The following ENOX1 variants were observed in gnomAD, a reference collection of about 807,000 sequenced individuals.
ENOX1 encodes candidate growth-related and time keeping constitutive hydroquinone (NADH) oxidase.
Under a neutral mutation model 82.5 loss-of-function variants are expected in ENOX1, and 42 were observed. That is an observed-to-expected ratio of 0.51 (90% CI 0.40 to 0.66). ENOX1 has a LOEUF of 0.66. Among genes scored for constraint, ENOX1 ranks in the 30% least tolerant of loss-of-function variants. ENOX1 has a pLI of 0.00. For synonymous variants in ENOX1, 271 were observed against 282.2 expected, an observed-to-expected ratio of 0.96 and a Z score of 0.40; for missense variants, 608 against 811.6, an observed-to-expected ratio of 0.75 and a Z score of 3.05.
rs2049266969 is a variant in ENOX1, at chr13:43,344,624, A to C, written c.950T>G (p.Leu317Arg). Reference protein sequence around the residue: ...VQSANSHVRRLMNEKATHEQE... With the variant: ...VQSANSHVRRRMNEKATHEQE... ...CTCATGGGTGGCTTTTTCATTCATTAGCCGGCGGACGTGGCTGTTGGCCGA... is the reference window on the plus strand; with the variant it reads ...CTCATGGGTGGCTTTTTCATTCATTCGCCGGCGGACGTGGCTGTTGGCCGA... Residue 317 changes from leucine to arginine, a missense_variant, in exon 9 of 17, where the codon CTA becomes CGA. Physicochemically the swap from Leu to Arg is moderately radical, Grantham distance 102. Coordinates refer to ENST00000690772, the MANE Select transcript of ENOX1 (RefSeq NM_001347969.2). The C allele has an allele frequency of 6.2e-7, 1 of 1,614,154 alleles. No individual in the cohort carries two copies. The highest frequency in any genetic ancestry group is 2.2e-5 in the East Asian group (1 of 44,868).
At chr13:43,734,377 A>G (rs140669025) in intron 1 of ENOX1, among the ~76,000 whole-genome samples, 1 of 152,344 alleles carries the variant, frequency 6.6e-6, no homozygotes, top group African/African-American at 2.4e-5. Flanking sequence ...TAGATGCTAT[A>G]GAACCTTCTG....
intron 1 of ENOX1, among the ~76,000 whole-genome samples, chr13:43,698,348 G>C (rs1441918381): frequency 6.6e-6 from 1 of 152,034 alleles, no homozygotes; most frequent in East Asian, 1.9e-4. Flanking sequence ...GGAAGCTACA[G>C]TAAAAACAAA....
At chr13:43,467,384 C>T (rs2057777051) in intron 3 of ENOX1, among the ~76,000 whole-genome samples, 1 of 151,980 alleles carries the variant, frequency 6.6e-6, no homozygotes. Flanking sequence ...AAATAGTAAC[C>T]CAAGTGGGTA....
intron 3 of ENOX1, among the ~76,000 whole-genome samples, chr13:43,423,819 C>T (rs1481162806): frequency 6.6e-6 from 1 of 152,130 alleles, no homozygotes; most frequent in East Asian, 1.9e-4. Flanking sequence ...ATTCTTGCCT[C>T]CCCCTGGTCA....
intron 10 of ENOX1, among the ~76,000 whole-genome samples, chr13:43,325,630 T>C (rs2153529676): frequency 6.6e-6 from 1 of 152,334 alleles, no homozygotes; most frequent in Admixed American, 6.5e-5. Context: ...GGGAATGTCA[T>C]TTAGAGAACT....
At chr13:43,235,925 G>A (rs999648066) in intron 15 of ENOX1, among the ~76,000 whole-genome samples, 4 of 152,188 alleles carry the variant, frequency 2.6e-5, no homozygotes, top group Non-Finnish European at 5.9e-5. Context: ...GTGCATCACA[G>A]CATGAGGGTG....
intron 1 of ENOX1, among the ~76,000 whole-genome samples, chr13:43,704,838 C>CA (rs2087148292): frequency 6.6e-6 from 1 of 152,140 alleles, no homozygotes; most frequent in Non-Finnish European, 1.5e-5. Context: ...CTTGAATTTG[C>CA]AATTTAAGTC....
chr13:43,355,314 A>G (rs1248263053), intron 8 of ENOX1, among the ~76,000 whole-genome samples: 1 of 152,240 alleles, frequency 6.6e-6, no homozygotes, highest in African/African-American at 2.4e-5. Flanking sequence ...AAACATTAGA[A>G]GAAATAAAAC....
In ENOX1 at chr13:43,360,030, C is replaced by T; in HGVS notation, c.410G>A (p.Arg137Gln). The T allele has an allele frequency of 1.2e-6, 2 of 1,614,168 alleles. No individual in the cohort carries two copies. The highest frequency in any genetic ancestry group is 1.7e-6 in the Non-Finnish European group (2 of 1,180,018). The stretch of plus-strand genomic sequence containing the variant: ...AAACACGGTCTTACACCCAGGAGGT[C>T]GTTCTCTTGTGGAAGGAGGTGGAAG... ...PNLPPPSTRE[R>Q]PPGCKTVFVG... The change falls in exon 7 of 17, where the codon CGA (arginine) becomes CAA (glutamine). Residue 137 changes from arginine to glutamine, a missense_variant. By Grantham distance (43) the Arg-to-Gln change is conservative. Coordinates refer to ENST00000690772, the MANE Select transcript of ENOX1 (RefSeq NM_001347969.2).
chr13:43,784,159 A>C (rs186245516), intron 1 of ENOX1, among the ~76,000 whole-genome samples: 69 of 152,364 alleles, frequency 4.5e-4, no homozygotes, highest in Non-Finnish European at 8.4e-4. Flanking sequence ...AATACACTGA[A>C]TGTACCCTAA....
At chr13:43,446,521 A>C (rs2056658197) in intron 3 of ENOX1, among the ~76,000 whole-genome samples, 1 of 151,940 alleles carries the variant, frequency 6.6e-6, no homozygotes, top group South Asian at 2.1e-4. Flanking sequence ...TTAAATGCCT[A>C]CTGGGCTGAT....
chr13:43,560,683 G>C (rs2079630934), intron 2 of ENOX1, among the ~76,000 whole-genome samples: 1 of 152,050 alleles, frequency 6.6e-6, no homozygotes, highest in East Asian at 1.9e-4. Flanking sequence ...TATTGGCTTT[G>C]GTTTTGTTTT....
At chr13:43,554,884 C>T (rs565689940) in intron 2 of ENOX1, among the ~76,000 whole-genome samples, 10 of 152,270 alleles carry the variant, frequency 6.6e-5, no homozygotes, top group African/African-American at 2.4e-4. Flanking sequence ...CTGGCCCTAA[C>T]CAGGTTTTTT....
chr13:43,277,038 T>A (rs1026538990), intron 12 of ENOX1, among the ~76,000 whole-genome samples: 2 of 152,136 alleles, frequency 1.3e-5, no homozygotes, highest in African/African-American at 4.8e-5. Flanking sequence ...TGGTGACCCC[T>A]GGGGGAGAAA....
chr13:43,501,856 C>A (rs1257901087), intron 2 of ENOX1, among the ~76,000 whole-genome samples: 1 of 145,212 alleles, frequency 6.9e-6, no homozygotes, highest in Non-Finnish European at 1.5e-5. Context: ...AAAGAACAAA[C>A]CAGGCCAAAA....
Position 43,224,084 on chromosome 13 carries a change from A to G in ENOX1, c.1769T>C (p.Leu590Pro), listed in dbSNP as rs2041920066. The change falls in exon 16 of 17, where the codon CTT becomes CCT. Residue 590 changes from leucine (L) to proline (P), a missense_variant. Coordinates refer to ENST00000690772, the MANE Select transcript of ENOX1 (RefSeq NM_001347969.2). ...GTCCAGCTGCTGCATGTATGACCAA[A>G]GATATTCTATGTTGGCTCCAAAAGG... ...VHPFGANIEY[L>P]WSYMQQLDSK... The G allele has an allele frequency of 6.2e-7, 1 of 1,614,084 alleles. No individual in the cohort carries two copies. The highest frequency in any genetic ancestry group is 8.5e-7 in the Non-Finnish European group (1 of 1,179,926).
At chr13:43,655,991 G>A (rs1185329250) in intron 2 of ENOX1, among the ~76,000 whole-genome samples, 2 of 152,120 alleles carry the variant, frequency 1.3e-5, no homozygotes, top group Non-Finnish European at 2.9e-5. Flanking sequence ...TCACTGTCTT[G>A]ACCTCATCCA....
At chr13:43,730,743 A>T (rs1462198846) in intron 1 of ENOX1, among the ~76,000 whole-genome samples, 1 of 151,828 alleles carries the variant, frequency 6.6e-6, no homozygotes, top group African/African-American at 2.4e-5. Flanking sequence ...CATGACGCAC[A>T]CTCTGTGTGA....
intron 2 of ENOX1, among the ~76,000 whole-genome samples, chr13:43,622,134 C>A (rs2082761031): frequency 6.6e-6 from 1 of 152,056 alleles, no homozygotes; most frequent in Non-Finnish European, 1.5e-5. Context: ...CTTGAATATT[C>A]CTCCCTTCAC....
Sources: allele counts gnomAD v4.1 joint callset (sites outside exome capture counted in the v4.1 genomes callset), GRCh38; gene constraint gnomAD v4.1.1; transcripts MANE v1.5; gene names NCBI Gene and HGNC (gene_info 2026-07-23, HGNC 2026-07-21).